The following DOCK2 variants were observed in gnomAD, a reference collection of about 807,000 sequenced individuals.
DOCK2 encodes the protein dedicator of cytokinesis 2.
In DOCK2, 87 loss-of-function variants were observed where a neutral mutation model predicts 248.9. The ratio of observed to expected loss-of-function variants is 0.35; its 90% CI spans 0.29 to 0.42. The LOEUF (loss-of-function observed/expected upper bound fraction) is 0.42. Ranked by LOEUF, DOCK2 falls within the 10% of genes least tolerant of loss-of-function variation. DOCK2 has a pLI of 1.00. For missense variants in DOCK2, 1,747 were observed against 2,300.2 expected, an observed-to-expected ratio of 0.76 and a Z score of 4.92; for synonymous variants, 805 against 821.6, an observed-to-expected ratio of 0.98 and a Z score of 0.35.
At chr5:169,679,926 C>T (rs1349844883) in intron 6 of DOCK2, among the ~76,000 whole-genome samples, 2 of 152,164 alleles carry the variant, frequency 1.3e-5, no homozygotes, top group Non-Finnish European at 2.9e-5. Flanking sequence ...TAGTCGCAAC[C>T]AAGCAGGAGT....
intron 27 of DOCK2, chr5:169,884,184 A>T (rs1772836813): frequency 3.8e-6 from 1 of 260,308 alleles, no homozygotes; most frequent in South Asian, 1.6e-4. Context: ...TAAACATCTG[A>T]TCTACCAAGA....
intron 25 of DOCK2, among the ~76,000 whole-genome samples, chr5:169,780,465 G>T (rs926604413): frequency 1.3e-5 from 2 of 152,150 alleles, no homozygotes; most frequent in Non-Finnish European, 2.9e-5. Flanking sequence ...CAGCTTCTGG[G>T]CAGGTTGACG....
At chr5:170,041,982 C>G in intron 37 of DOCK2, 31 bp from the exon 38 acceptor site, 1 of 1,609,794 alleles carries the variant, frequency 6.2e-7, no homozygotes, top group Non-Finnish European at 8.5e-7. Context: ...CCTCTCGGCC[C>G]TGTGTGACTT....
intron 27 of DOCK2, among the ~76,000 whole-genome samples, chr5:169,872,867 A>G (rs1224068603): frequency 1.3e-5 from 2 of 152,216 alleles, no homozygotes; most frequent in African/African-American, 4.8e-5. Flanking sequence ...TAAAATGGGA[A>G]TGTTAATCCT....
intron 12 of DOCK2, 147 bp downstream of exon 12, chr5:169,699,605 AGGGATAAGTCACATTTTCTGAAGAAAATT>A: frequency 1.2e-6 from 1 of 819,214 alleles, no homozygotes; most frequent in Non-Finnish European, 1.9e-6. Flanking sequence ...TATGATCTAC[AGGGATAAGTCACATTTTCTGAAGAAAATT>A]GGAGGCATGT....
chr5:170,015,461 T>G (rs1755487119), intron 32 of DOCK2, among the ~76,000 whole-genome samples: 1 of 152,308 alleles, frequency 6.6e-6, no homozygotes, highest in African/African-American at 2.4e-5. Context: ...ATTGATTGCC[T>G]GTTTCAGAGC....
chr5:169,881,108 A>G (rs182528927), intron 27 of DOCK2, among the ~76,000 whole-genome samples: 1 of 152,264 alleles, frequency 6.6e-6, no homozygotes, highest in East Asian at 1.9e-4. Context: ...ATGAGATGCA[A>G]ATGTGCATGC....
chr5:169,787,575 A>C (rs1308697908), intron 25 of DOCK2, among the ~76,000 whole-genome samples: 1 of 152,088 alleles, frequency 6.6e-6, no homozygotes, highest in Non-Finnish European at 1.5e-5. Flanking sequence ...TGATAGTCTA[A>C]AAATTTCAAG....
intron 39 of DOCK2, among the ~76,000 whole-genome samples, chr5:170,046,336 T>G (rs1756708611): frequency 6.6e-6 from 1 of 152,188 alleles, no homozygotes; most frequent in South Asian, 2.1e-4. Context: ...TGCTCAGGAT[T>G]TGGTGGGGGA....
intron 22 of DOCK2, among the ~76,000 whole-genome samples, chr5:169,746,544 G>A (rs1763625189): frequency 6.6e-6 from 1 of 152,186 alleles, no homozygotes; most frequent in Non-Finnish European, 1.5e-5. Context: ...ACTCTTCTGT[G>A]CATTTCACAC....
intron 22 of DOCK2, among the ~76,000 whole-genome samples, chr5:169,741,286 C>A (rs1206734071): frequency 6.6e-6 from 1 of 152,144 alleles, no homozygotes; most frequent in African/African-American, 2.4e-5. Context: ...GTCTCTTTCA[C>A]GAATCCTTTG....
intron 27 of DOCK2, among the ~76,000 whole-genome samples, chr5:169,908,984 A>G (rs540562844): frequency 1.3e-5 from 2 of 152,332 alleles, no homozygotes; most frequent in South Asian, 4.2e-4. Context: ...TGCCTCTGGC[A>G]GAGAGAGCCA....
chr5:169,825,929 A>T (rs1208176399), intron 26 of DOCK2, among the ~76,000 whole-genome samples: 9 of 152,002 alleles, frequency 5.9e-5, no homozygotes, highest in Non-Finnish European at 1.3e-4. Context: ...AGGAGAGGAG[A>T]TGGTACATAC....
chr5:169,811,151 A>G (rs1028098802), intron 26 of DOCK2, among the ~76,000 whole-genome samples: 21 of 152,050 alleles, frequency 1.4e-4, no homozygotes, highest in Non-Finnish European at 3.1e-4. Flanking sequence ...ACTAGAGGGC[A>G]TTCTTGGTGG....
intron 5 of DOCK2, among the ~76,000 whole-genome samples, chr5:169,673,940 G>T (rs1179898233): frequency 1.3e-5 from 2 of 152,308 alleles, no homozygotes; most frequent in Non-Finnish European, 2.9e-5. Context: ...TATCACCAGA[G>T]AAATGGCCCT....
chr5:169,865,734 CT>C (rs1304837967), intron 27 of DOCK2, among the ~76,000 whole-genome samples: 1 of 152,240 alleles, frequency 6.6e-6, no homozygotes, highest in Non-Finnish European at 1.5e-5. Flanking sequence ...GTGCATTCTC[CT>C]TGTTTAGCCA....
chr5:170,077,491 A>G (rs896692620), intron 47 of DOCK2, among the ~76,000 whole-genome samples: 1 of 152,212 alleles, frequency 6.6e-6, no homozygotes. Flanking sequence ...AGGAAATTCC[A>G]AAGTTTTAGA....
intron 27 of DOCK2, among the ~76,000 whole-genome samples, chr5:169,842,162 T>C (rs1770017859): frequency 6.6e-6 from 1 of 152,194 alleles, no homozygotes; most frequent in African/African-American, 2.4e-5. Context: ...TATAAACACT[T>C]TGTGACTCCC....
intron 15 of DOCK2, among the ~76,000 whole-genome samples, chr5:169,709,577 C>T (rs1490585290): frequency 6.6e-6 from 1 of 151,948 alleles, no homozygotes; most frequent in Non-Finnish European, 1.5e-5. Flanking sequence ...ATAAATGAGT[C>T]GTGCATGGTG....
Sources: gnomAD v4.1 joint callset for allele counts (sites outside exome capture counted in the v4.1 genomes callset) on GRCh38, gnomAD v4.1.1 for gene constraint, MANE v1.5 for transcripts, NCBI Gene and HGNC (gene_info 2026-07-23, HGNC 2026-07-21) for gene names.